The following PAPPA2 variants were observed in gnomAD, a reference collection of about 807,000 sequenced individuals.
PAPPA2 encodes pappalysin-2.
Under a neutral mutation model 176.4 loss-of-function variants are expected in PAPPA2, and 86 were observed. That is an observed-to-expected ratio of 0.49 (90% confidence interval 0.41 to 0.58). The LOEUF (loss-of-function observed/expected upper bound fraction) is 0.58, where lower values mean the gene tolerates loss of function less well. PAPPA2 is among the 20% of genes least tolerant of loss of function. The pLI is 0.00. For synonymous variants in PAPPA2, 809 were observed against 852.2 expected, an observed-to-expected ratio of 0.95 and a Z score of 0.88; for missense variants, 2,073 against 2,256.9, an observed-to-expected ratio of 0.92 and a Z score of 1.65.
chr1:176,650,541 A>G (rs1303834307), intron 3 of PAPPA2, among the ~76,000 whole-genome samples: 6 of 151,528 alleles, frequency 4.0e-5, no homozygotes, highest in Non-Finnish European at 5.9e-5. Context: ...TATGTCTCCT[A>G]ATGCTATCCC....
At chr1:176,773,795 C>A (rs924697331) in intron 17 of PAPPA2, among the ~76,000 whole-genome samples, 6 of 152,068 alleles carry the variant, frequency 3.9e-5, no homozygotes, top group Admixed American at 1.3e-4. Flanking sequence ...ACTAAAATAT[C>A]AGCCAAATAC....
chr1:176,589,033 T>G (rs189439019), intron 2 of PAPPA2, among the ~76,000 whole-genome samples: 2 of 152,288 alleles, frequency 1.3e-5, no homozygotes, highest in East Asian at 3.9e-4. Flanking sequence ...TCTCTTTATC[T>G]CTTTTTGGCA....
intron 2 of PAPPA2, among the ~76,000 whole-genome samples, chr1:176,564,819 CAG>C (rs1167163613): frequency 6.7e-6 from 1 of 148,932 alleles, no homozygotes; most frequent in Admixed American, 6.7e-5. Context: ...AGTATTCTTA[CAG>C]ACTTATCTCA....
At chr1:176,768,767 T>G (rs1664089404) in intron 15 of PAPPA2, among the ~76,000 whole-genome samples, 1 of 152,194 alleles carries the variant, frequency 6.6e-6, no homozygotes, top group African/African-American at 2.4e-5. Context: ...GCTGCCCTAC[T>G]GAAATGACAG....
intron 17 of PAPPA2, among the ~76,000 whole-genome samples, chr1:176,773,375 G>T (rs926218464): frequency 1.3e-5 from 2 of 152,238 alleles, no homozygotes; most frequent in Non-Finnish European, 2.9e-5. Flanking sequence ...GCCCAGCATT[G>T]TACAAATGAG....
chr1:176,746,796 A>G (rs1470189035), intron 14 of PAPPA2, among the ~76,000 whole-genome samples: 2 of 152,276 alleles, frequency 1.3e-5, no homozygotes, highest in East Asian at 3.9e-4. Context: ...TTCTAATATA[A>G]AATTGAATAA....
intron 1 of PAPPA2, among the ~76,000 whole-genome samples, chr1:176,475,834 G>C (rs1652091376): frequency 1.3e-5 from 2 of 152,054 alleles, no homozygotes; most frequent in Non-Finnish European, 2.9e-5. Context: ...AATTTAGAAA[G>C]TCTGAAAAAT....
At chr1:176,730,037 T>A (rs572041992) in intron 12 of PAPPA2, among the ~76,000 whole-genome samples, 2 of 152,150 alleles carry the variant, frequency 1.3e-5, no homozygotes, top group African/African-American at 4.8e-5. Context: ...ATTTTAAACG[T>A]ATTGTTGGAT....
intron 1 of PAPPA2, among the ~76,000 whole-genome samples, chr1:176,548,374 G>A (rs192297322): frequency 4.5e-4 from 68 of 152,168 alleles, no homozygotes; most frequent in African/African-American, 1.4e-3. Context: ...TAGCAGTGGC[G>A]GAAGTGGGAC....
At chr1:176,830,489 C>A (rs1667043585) in intron 21 of PAPPA2, among the ~76,000 whole-genome samples, 1 of 152,200 alleles carries the variant, frequency 6.6e-6, no homozygotes, top group Non-Finnish European at 1.5e-5. Flanking sequence ...ACAGTCCTTG[C>A]AGAGTTGCGG....
chr1:176,816,402 C>T (rs1159067201), intron 21 of PAPPA2, among the ~76,000 whole-genome samples: 1 of 141,798 alleles, frequency 7.1e-6, no homozygotes, highest in Non-Finnish European at 1.6e-5. Context: ...CACACACACA[C>T]GCATACACAC....
chr1:176,741,948 G>A (rs1662698855), intron 14 of PAPPA2, among the ~76,000 whole-genome samples: 1 of 152,076 alleles, frequency 6.6e-6, no homozygotes, highest in Non-Finnish European at 1.5e-5. Context: ...TGTGTTCTTG[G>A]TGAGCTTTGC....
At position 176,594,990 on chromosome 1, in the gene PAPPA2, T is replaced by C; in HGVS notation, c.1386T>C (p.Pro462=). ...TGGTCCTGACAGCGAGCTTTGAGCC[T>C]GTGAACACAGAGTGGGTTCCCTTTA... ...TDLVLTASFE[P]VNTEWVPFRD... The change falls in exon 3 of 23, where the codon CCT becomes CCC. Residue 462 remains proline, a synonymous_variant. Coordinates refer to ENST00000367662, the MANE Select transcript of PAPPA2 (RefSeq NM_020318.3). 1.2e-6 allele frequency: 2 copies of C among 1,614,214 alleles called. No homozygotes were observed. The highest frequency in any genetic ancestry group is 1.3e-5 in the African/African-American group (1 of 75,050).
chr1:176,797,620 C>G (rs1665504076), intron 20 of PAPPA2, among the ~76,000 whole-genome samples: 2 of 151,874 alleles, frequency 1.3e-5, no homozygotes, highest in Admixed American at 1.3e-4. Context: ...GAACTCCAGC[C>G]TGGGTGACTG....
At chr1:176,647,005 TG>T (rs2102736737) in intron 3 of PAPPA2, among the ~76,000 whole-genome samples, 1 of 151,734 alleles carries the variant, frequency 6.6e-6, no homozygotes, top group Non-Finnish European at 1.5e-5. Flanking sequence ...TGATAGTGAT[TG>T]TACTAATTTA....
chr1:176,527,699 T>A (rs2102547159), intron 1 of PAPPA2, among the ~76,000 whole-genome samples: 1 of 152,338 alleles, frequency 6.6e-6, no homozygotes, highest in East Asian at 1.9e-4. Context: ...TAGACCCCTG[T>A]GTCCCTAGTG....
rs775927983 is a variant in PAPPA2 at position 176,789,796 on chromosome 1, T to C, written c.4716-13T>C. 3.1e-6 allele frequency: 5 copies of C among 1,607,292 alleles called. No homozygotes were observed. The African/African-American group carries it at 4.0e-5, about 13-fold the overall frequency. On this transcript the variant is annotated splice_polypyrimidine_tract_variant and intron_variant, in intron 17 of 22. Transcript: ENST00000367662. ...AGATTCTGATGAGCTATTTTTGTTT[T>C]ATGTTTTATCAGCAAGCTCCTGAAG...
At chr1:176,512,767 C>G (rs1254323936) in intron 1 of PAPPA2, among the ~76,000 whole-genome samples, 1 of 151,942 alleles carries the variant, frequency 6.6e-6, no homozygotes, top group Non-Finnish European at 1.5e-5. Flanking sequence ...AATCATTGTT[C>G]AATAAAATTG....
chr1:176,562,812 A>G (rs1057501084), intron 2 of PAPPA2, among the ~76,000 whole-genome samples: 14 of 152,200 alleles, frequency 9.2e-5, no homozygotes, highest in African/African-American at 3.1e-4. Context: ...ATGTGGCTAT[A>G]TGGCCCTCAA....
Sources: allele counts gnomAD v4.1 joint callset (sites outside exome capture counted in the v4.1 genomes callset), GRCh38; gene constraint gnomAD v4.1.1; transcripts MANE v1.5; gene names NCBI Gene and HGNC (gene_info 2026-07-23, HGNC 2026-07-21).